Variants in QTMAN observed in about 807,000 individuals in gnomAD.
QTMAN encodes the protein tRNA-queuosine alpha-mannosyltransferase.
chr2:144,246,724 T>C, the QTMAN span, among the ~76,000 whole-genome samples: 1 of 152,192 alleles, frequency 6.6e-6, no homozygotes, highest in African/African-American at 2.4e-5. Flanking sequence ...TTCATTCTCT[T>C]ACCACAGTGG....
chr2:144,282,726 G>A, the QTMAN span, among the ~76,000 whole-genome samples: 4 of 152,056 alleles, frequency 2.6e-5, no homozygotes, highest in Admixed American at 1.3e-4. Flanking sequence ...CTGGGTGATA[G>A]GAGCATCTTT....
At chr2:143,999,785 T>C in the QTMAN span, among the ~76,000 whole-genome samples, 2 of 152,132 alleles carry the variant, frequency 1.3e-5, no homozygotes, top group Admixed American at 6.6e-5. Flanking sequence ...AAGCATACCA[T>C]AATGAAACAG....
At chr2:143,985,408 G>A in the QTMAN span, among the ~76,000 whole-genome samples, 1 of 152,172 alleles carries the variant, frequency 6.6e-6, no homozygotes, top group Non-Finnish European at 1.5e-5. Context: ...TTTTTTGCAA[G>A]AAGTAATAAT....
At chr2:144,291,765 T>C in the QTMAN span, among the ~76,000 whole-genome samples, 5 of 152,306 alleles carry the variant, frequency 3.3e-5, no homozygotes, top group East Asian at 7.7e-4. Flanking sequence ...CTTAATCTCA[T>C]ATGCAAACCC....
the QTMAN span, among the ~76,000 whole-genome samples, chr2:144,200,723 C>T: frequency 0.014 from 2,129 of 152,098 alleles, 30 homozygotes; most frequent in Non-Finnish European, 0.023. Context: ...TCAAAATTTA[C>T]ATAACAGAAA....
the QTMAN span, among the ~76,000 whole-genome samples, chr2:144,274,424 A>G: frequency 6.6e-6 from 1 of 152,212 alleles, no homozygotes; most frequent in Non-Finnish European, 1.5e-5. Flanking sequence ...GCTGGTTGCC[A>G]GGATACAAAT....
chr2:143,973,478 T>G, the QTMAN span, among the ~76,000 whole-genome samples: 3 of 152,266 alleles, frequency 2.0e-5, 1 homozygote, highest in East Asian at 1.9e-4. Flanking sequence ...TGAAAAAATT[T>G]GGGGTTTTCT....
chr2:144,033,555 G>A, the QTMAN span, among the ~76,000 whole-genome samples: 1 of 152,096 alleles, frequency 6.6e-6, no homozygotes, highest in Non-Finnish European at 1.5e-5. Flanking sequence ...TGTCCTTTTG[G>A]GTTTATAGGG....
At chr2:144,005,562 G>C in the QTMAN span, among the ~76,000 whole-genome samples, 1 of 152,090 alleles carries the variant, frequency 6.6e-6, no homozygotes, top group Admixed American at 6.6e-5. Context: ...CCGTAAGGAT[G>C]AATGTGTTAC....
At chr2:144,224,977 T>A in the QTMAN span, among the ~76,000 whole-genome samples, 1 of 152,054 alleles carries the variant, frequency 6.6e-6, no homozygotes, top group African/African-American at 2.4e-5. Flanking sequence ...TTCAAGAAGG[T>A]GAACCAAGAG....
chr2:144,117,817 C>A, the QTMAN span, among the ~76,000 whole-genome samples: 2 of 151,532 alleles, frequency 1.3e-5, no homozygotes, highest in Non-Finnish European at 2.9e-5. Context: ...TATCTAAAAC[C>A]TATAGTATAC....
At chr2:144,173,803 C>G in the QTMAN span, among the ~76,000 whole-genome samples, 1 of 152,134 alleles carries the variant, frequency 6.6e-6, no homozygotes, top group African/African-American at 2.4e-5. Flanking sequence ...TCATGAATGG[C>G]ACCAAGCTAC....
At chr2:144,295,786 A>G in the QTMAN span, among the ~76,000 whole-genome samples, 8 of 151,486 alleles carry the variant, frequency 5.3e-5, no homozygotes, top group Non-Finnish European at 8.8e-5. Context: ...CTAATTTTTA[A>G]ATTTTTTTGT....
At chr2:143,943,365 T>A in the QTMAN span, 1 of 152,188 alleles carries the variant, frequency 6.6e-6, no homozygotes, top group African/African-American at 2.4e-5. Context: ...GATCTAATAT[T>A]AAATAGTCCC....
the QTMAN span, among the ~76,000 whole-genome samples, chr2:144,308,843 T>A: frequency 6.6e-6 from 1 of 151,736 alleles, no homozygotes; most frequent in African/African-American, 2.4e-5. Flanking sequence ...TAAACTACAC[T>A]TACTCTACAG....
At chr2:143,971,779 A>G in the QTMAN span, among the ~76,000 whole-genome samples, 4 of 152,154 alleles carry the variant, frequency 2.6e-5, no homozygotes, top group Non-Finnish European at 5.9e-5. Flanking sequence ...TCATTTACTA[A>G]TTATGTAAAA....
At chr2:143,952,364 T>C in the QTMAN span, among the ~76,000 whole-genome samples, 4 of 151,520 alleles carry the variant, frequency 2.6e-5, no homozygotes, top group Non-Finnish European at 4.4e-5. Flanking sequence ...AAAGAACTGG[T>C]ACTATAGCCT....
the QTMAN span, among the ~76,000 whole-genome samples, chr2:144,125,935 AAC>A: frequency 6.6e-6 from 1 of 152,020 alleles, no homozygotes; most frequent in Non-Finnish European, 1.5e-5. Context: ...ACCCAAGAAA[AAC>A]AGTGAAGAGA....
At chr2:144,212,862 T>C in the QTMAN span, among the ~76,000 whole-genome samples, 1 of 152,172 alleles carries the variant, frequency 6.6e-6, no homozygotes, top group Non-Finnish European at 1.5e-5. Context: ...TAATGATACA[T>C]GGTTAAATGC....
Sources: allele counts gnomAD v4.1 joint callset (sites outside exome capture counted in the v4.1 genomes callset), GRCh38; gene constraint gnomAD v4.1.1; transcripts MANE v1.5; gene names NCBI Gene and HGNC (gene_info 2026-07-23, HGNC 2026-07-21).